FAM117B: variants seen among roughly 807,000 people sequenced by gnomAD.
FAM117B encodes the protein protein FAM117B.
Under a neutral mutation model 52.8 loss-of-function variants are expected in FAM117B, and 22 were observed. The observed-to-expected ratio is 0.42, with a 90% CI of 0.30 to 0.59. The LOEUF (loss-of-function observed/expected upper bound fraction) is 0.59, where lower values mean the gene tolerates loss of function less well. Ranked by LOEUF, FAM117B falls within the 20% of genes least tolerant of loss-of-function variation. FAM117B has a pLI of 0.22. For synonymous variants in FAM117B, 309 were observed against 324.1 expected (o/e 0.95, Z 0.50); for missense variants, 678 against 802.6 (o/e 0.84, Z 1.88).
At position 202,757,265 on chromosome 2, in the gene FAM117B, G is replaced by T; in HGVS notation, c.1157G>T (p.Ser386Ile). ...HRAPPPLVQRSSSTRSIDTQT... is the reference protein window; with the variant it reads ...HRAPPPLVQRISSTRSIDTQT... ...GCTCCACCCCCCCTTGTACAGAGAA[G>T]TAGCAGCACGCGCAGCATTGACACA... The change falls in exon 6 of 8, where the codon AGT (serine) becomes ATT (isoleucine). Residue 386 changes from serine (S) to isoleucine (I), a missense_variant. Around this residue, in one of 3 missense-constraint regions of FAM117B, gnomAD observed 583 missense variants for 644.8 expected, o/e 0.90. Coordinates refer to ENST00000392238, the MANE Select transcript of FAM117B (RefSeq NM_173511.4). 1 of 1,614,158 alleles carries T rather than the reference G, an allele frequency of 6.2e-7. No homozygotes were observed. Among genetic ancestry groups the T allele is most frequent in the East Asian group, 2.2e-5 (1 of 44,886 alleles).
At chr2:202,731,340 T>TAC (rs1691343852) in intron 4 of FAM117B, among the ~76,000 whole-genome samples, 1 of 116,862 alleles carries the variant, frequency 8.6e-6, no homozygotes, top group Non-Finnish European at 1.8e-5. Context: ...GGAATATATA[T>TAC]ATATATATAT....
intron 1 of FAM117B, among the ~76,000 whole-genome samples, chr2:202,655,697 G>A (rs72926990): frequency 0.22 from 32,218 of 145,044 alleles, 4,355 homozygotes; most frequent in Middle Eastern, 0.31. Flanking sequence ...GAGTGGGTGC[G>A]GGAAGAGAGT....
chr2:202,649,613 G>T (rs777026639), intron 1 of FAM117B, among the ~76,000 whole-genome samples: 1 of 151,964 alleles, frequency 6.6e-6, no homozygotes, highest in African/African-American at 2.4e-5. Context: ...GTGCAATGGC[G>T]TGATCTCGGC....
intron 2 of FAM117B, among the ~76,000 whole-genome samples, chr2:202,709,331 T>C (rs1356391137): frequency 6.6e-6 from 1 of 152,044 alleles, no homozygotes; most frequent in African/African-American, 2.4e-5. Context: ...GCCTCCCAAA[T>C]AGCTGGGATT....
intron 2 of FAM117B, among the ~76,000 whole-genome samples, chr2:202,719,996 A>G (rs181147484): frequency 1.3e-5 from 2 of 152,300 alleles, no homozygotes; most frequent in East Asian, 3.9e-4. Flanking sequence ...ATCAAGAGGT[A>G]CATGAAGTCA....
chr2:202,678,255 C>T (rs1273465571), intron 1 of FAM117B, among the ~76,000 whole-genome samples: 2 of 152,168 alleles, frequency 1.3e-5, no homozygotes, highest in South Asian at 2.1e-4. Context: ...TATACAGAGA[C>T]GGAGGGAGTG....
chr2:202,742,545 A>T (rs997476168), intron 4 of FAM117B, among the ~76,000 whole-genome samples: 1 of 152,250 alleles, frequency 6.6e-6, no homozygotes, highest in Non-Finnish European at 1.5e-5. Flanking sequence ...TGGATTAAGG[A>T]TCTAAATGTA....
chr2:202,647,859 C>T (rs1409087565), intron 1 of FAM117B, among the ~76,000 whole-genome samples: 1 of 152,100 alleles, frequency 6.6e-6, no homozygotes, highest in Admixed American at 6.5e-5. Flanking sequence ...TTGATTGAGG[C>T]TGGCATGTAG....
Position 202,763,981 on chromosome 2 carries a change from C to A in FAM117B, c.1452-1465C>A, listed in dbSNP as rs556873370. On this transcript the variant is annotated intron_variant, in intron 7 of 7. Transcript: ENST00000392238. ...AAACCTTTTTATAAACCTCTGTAAT[C>A]ATGCCTGTTAGATTCTCTTGTGGCG... 6.6e-5 allele frequency among the ~76,000 whole-genome samples: 10 copies of A among 152,342 alleles called. No individual in the cohort carries two copies. In the Middle Eastern group the frequency reaches 0.01, roughly 155 times the overall value.
At chr2:202,640,802 G>A (rs987243111) in intron 1 of FAM117B, among the ~76,000 whole-genome samples, 10 of 151,942 alleles carry the variant, frequency 6.6e-5, no homozygotes. Context: ...GTAGAGACTG[G>A]GTTTCACCAT....
In FAM117B at chr2:202,768,858, T is replaced by G. The variant is rs1216166001; in HGVS notation, c.*3094T>G. On this transcript the variant is annotated 3_prime_UTR_variant, in exon 8 of 8. Transcript: ENST00000392238. ...GTGTCTTTCAGAGAAAGGAGCTATT[T>G]GGTTATTCACTTTGTCAATCTTAGG... 7 of 152,160 alleles carry G rather than the reference T, an allele frequency of 4.6e-5. No individual in the cohort carries two copies. 9.4% of individuals were successfully genotyped at this position (152,160 alleles called of 1,614,324 possible). A position where few individuals can be genotyped will look rare whatever the true frequency, so the allele number is the denominator to read the frequency against.
intron 4 of FAM117B, among the ~76,000 whole-genome samples, chr2:202,730,340 A>G (rs924798336): frequency 6.6e-6 from 1 of 152,144 alleles, no homozygotes; most frequent in Non-Finnish European, 1.5e-5. Context: ...AAAAATAGAG[A>G]TGAAAGTTAA....
intron 2 of FAM117B, among the ~76,000 whole-genome samples, chr2:202,715,530 C>T (rs1374682680): frequency 1.9e-4 from 29 of 149,816 alleles, no homozygotes; most frequent in East Asian, 1.2e-3. Context: ...GATGGGCGGC[C>T]GGGCAGAGAC....
chr2:202,637,181 G>A (rs1166865413), intron 1 of FAM117B, among the ~76,000 whole-genome samples: 1 of 152,204 alleles, frequency 6.6e-6, no homozygotes, highest in East Asian at 1.9e-4. Flanking sequence ...ACAGGCATGC[G>A]CCACTGCGCC....
At chr2:202,641,397 T>C (rs1050082460) in intron 1 of FAM117B, among the ~76,000 whole-genome samples, 2 of 152,190 alleles carry the variant, frequency 1.3e-5, no homozygotes, top group African/African-American at 2.4e-5. Flanking sequence ...TCAGAATGAC[T>C]TTGAATAGAA....
At chr2:202,689,983 T>C (rs1439650144) in intron 1 of FAM117B, among the ~76,000 whole-genome samples, 2 of 152,108 alleles carry the variant, frequency 1.3e-5, no homozygotes, top group Non-Finnish European at 1.5e-5. Flanking sequence ...AAAATATTTA[T>C]ATCTAACACT....
intron 1 of FAM117B, among the ~76,000 whole-genome samples, chr2:202,653,656 A>G (rs1028387617): frequency 2.0e-5 from 3 of 152,216 alleles, no homozygotes; most frequent in Admixed American, 2.0e-4. Flanking sequence ...CTGATAATTG[A>G]GAGTTTGAGA....
chr2:202,673,680 T>G (rs1186496490), intron 1 of FAM117B, among the ~76,000 whole-genome samples: 1 of 151,972 alleles, frequency 6.6e-6, no homozygotes, highest in Non-Finnish European at 1.5e-5. Context: ...ACTCTTGACC[T>G]CAGGTGATCC....
At position 202,755,538 on chromosome 2, in the gene FAM117B, G is replaced by A. The variant is rs1284906020; in HGVS notation, c.961G>A (p.Ala321Thr). Residue 321 changes from alanine to threonine, a missense_variant and splice_region_variant, in exon 5 of 8, where the codon GCT (alanine) becomes ACT (threonine). Ala to Thr is a moderately conservative substitution (Grantham distance 58, BLOSUM62 0). Transcript: ENST00000392238. ...CTCTTCTCCATCCCATTTTCTTAAG[G>A]CTCCTGTTCCAAAGAGTGCACTTAT... is the stretch of plus-strand genomic sequence containing the variant. ...GNHAAINQCQ[A>T]PVPKSALIPV... The A allele has an allele frequency of 1.2e-6, 2 of 1,612,920 alleles. No homozygotes were observed. The highest frequency in any genetic ancestry group is 1.7e-6 in the Non-Finnish European group (2 of 1,179,510).
Sources: gnomAD v4.1 joint callset for allele counts (sites outside exome capture counted in the v4.1 genomes callset) on GRCh38, gnomAD v4.1.1 for gene constraint, gnomAD v4.1.1 regional missense constraint, MANE v1.5 for transcripts, NCBI Gene and HGNC (gene_info 2026-07-23, HGNC 2026-07-21) for gene names.